PKP4: variants seen among roughly 807,000 people sequenced by gnomAD.
PKP4 encodes plakophilin-4.
A neutral mutation model predicts 145.1 loss-of-function variants in PKP4; 90 were observed. The observed-to-expected ratio is 0.62, with a 90% CI of 0.52 to 0.74. The LOEUF (loss-of-function observed/expected upper bound fraction) is 0.74. Among genes scored for constraint, PKP4 ranks in the 30% least tolerant of loss-of-function variants. The pLI is 0.00. For synonymous variants in PKP4, 563 were observed against 577.2 expected (o/e 0.98, Z 0.35); for missense variants, 1,340 against 1,482.7 (o/e 0.90, Z 1.58).
At chr2:158,514,453 G>A (rs780924055) in intron 1 of PKP4, among the ~76,000 whole-genome samples, 2 of 152,138 alleles carry the variant, frequency 1.3e-5, no homozygotes, top group African/African-American at 2.4e-5. Flanking sequence ...CCTTGAAAAC[G>A]AAATATAGTA....
chr2:158,610,957 T>C (rs954256646), intron 4 of PKP4, among the ~76,000 whole-genome samples: 3 of 152,156 alleles, frequency 2.0e-5, no homozygotes, highest in Non-Finnish European at 4.4e-5. Context: ...AAGAAAGTGT[T>C]CGAGAAATTG....
rs940022540 is a variant in PKP4 at position 158,528,143 on chromosome 2, A to G, written c.-5-5037A>G. On this transcript the variant is annotated intron_variant, in intron 1 of 21. Coordinates refer to ENST00000389759, the MANE Select transcript of PKP4 (RefSeq NM_003628.6). ...CCAGCCATCCCATTACTGGGTATATACCCAAATGACTGTAAATCATGCTGC... is the reference window on the plus strand; with the variant it reads ...CCAGCCATCCCATTACTGGGTATATGCCCAAATGACTGTAAATCATGCTGC... Among the ~76,000 whole-genome samples, 16 of 139,082 alleles carry G rather than the reference A, an allele frequency of 1.2e-4. No individual in the cohort carries two copies. In the South Asian group the frequency reaches 1.5e-3, roughly 13 times the overall value. 91.2% of individuals were successfully genotyped at this position (139,082 alleles called of 152,430 possible). A position where few individuals can be genotyped will look rare whatever the true frequency, so the allele number is the denominator to read the frequency against.
intron 11 of PKP4, among the ~76,000 whole-genome samples, chr2:158,653,246 GTT>G (rs3836170): frequency 1.2e-4 from 3 of 25,376 alleles, no homozygotes; most frequent in Non-Finnish European, 3.2e-4. Context: ...CAAATGTTTT[GTT>G]TTTTTTAATA....
chr2:158,601,000 G>A (rs1276270928), intron 3 of PKP4, among the ~76,000 whole-genome samples: 11 of 152,264 alleles, frequency 7.2e-5, no homozygotes, highest in Middle Eastern at 3.4e-3. Flanking sequence ...TAGACTCGGG[G>A]AGAATAAGTT....
chr2:158,625,271 G>A lies in PKP4; in HGVS notation c.997G>A (p.Val333Met), dbSNP rs2052656468. Residue 333 changes from valine (V) to methionine (M), a missense_variant, in exon 7 of 22, where the codon GTG becomes ATG. Coordinates refer to ENST00000389759, the MANE Select transcript of PKP4 (RefSeq NM_003628.6). ...TRVASPSQGQ[V>M]GSSSPKRSGM... ...AGTAGCTTCCCCATCCCAAGGCCAG[G>A]TGGGGTCGTCGTCCCCCAAACGCTC... 1 of 1,614,052 alleles carries A rather than the reference G, an allele frequency of 6.2e-7. No homozygotes were observed. The highest frequency in any genetic ancestry group is 1.3e-5 in the African/African-American group (1 of 74,918).
At chr2:158,596,235 A>G (rs1039487118) in intron 3 of PKP4, among the ~76,000 whole-genome samples, 2 of 152,222 alleles carry the variant, frequency 1.3e-5, no homozygotes, top group African/African-American at 4.8e-5. Context: ...TGAAAGTAAG[A>G]TAATAAAGAA....
At chr2:158,472,405 C>T (rs1481818385) in intron 1 of PKP4, among the ~76,000 whole-genome samples, 4 of 151,878 alleles carry the variant, frequency 2.6e-5, no homozygotes, top group East Asian at 3.9e-4. Context: ...GTCAGGAGAT[C>T]GAGACCATCC....
intron 1 of PKP4, among the ~76,000 whole-genome samples, chr2:158,480,953 A>C (rs773448657): frequency 7.2e-5 from 11 of 152,178 alleles, no homozygotes; most frequent in Non-Finnish European, 1.0e-4. Flanking sequence ...TCATGATTTC[A>C]TGTAAATAGA....
At chr2:158,596,307 C>T (rs892392207) in intron 3 of PKP4, among the ~76,000 whole-genome samples, 2 of 152,224 alleles carry the variant, frequency 1.3e-5, no homozygotes, top group Middle Eastern at 3.4e-3. Flanking sequence ...GAGATTTCAT[C>T]TGTAAACGTG....
At chr2:158,666,384 G>C (rs370699923) in intron 15 of PKP4, 29 bp from the exon 16 acceptor site, 1 of 1,541,162 alleles carries the variant, frequency 6.5e-7, no homozygotes, top group African/African-American at 1.4e-5. Context: ...TCTGTTTTAT[G>C]TTACTTCCTG....
chr2:158,477,377 C>G (rs1346735016), intron 1 of PKP4, among the ~76,000 whole-genome samples: 1 of 152,120 alleles, frequency 6.6e-6, no homozygotes, highest in Non-Finnish European at 1.5e-5. Flanking sequence ...TCTCCTCTCC[C>G]CTACTAATTG....
chr2:158,531,576 T>C (rs1201057007), intron 1 of PKP4, among the ~76,000 whole-genome samples: 2 of 152,210 alleles, frequency 1.3e-5, no homozygotes, highest in Non-Finnish European at 2.9e-5. Flanking sequence ...GTTGATAATA[T>C]TTTGTTTTAC....
chr2:158,658,192 C>G lies in PKP4; in HGVS notation c.1971C>G (p.Leu657=). 1 of 1,605,280 alleles carries G rather than the reference C, an allele frequency of 6.2e-7. No individual in the cohort carries two copies. Among genetic ancestry groups the G allele is most frequent in the Non-Finnish European group, 8.5e-7 (1 of 1,172,468 alleles). The change falls in exon 12 of 22, where the codon CTC becomes CTG. Residue 657 remains leucine, a synonymous_variant. Transcript: ENST00000389759. ...AAATGACAATCATTCGAGATGCTCTCTCAACCTTAACAAACACTGTGATTG... is the reference window on the plus strand; with the variant it reads ...AAATGACAATCATTCGAGATGCTCTGTCAACCTTAACAAACACTGTGATTG... ...AVKMTIIRDA[L]STLTNTVIVP...
intron 1 of PKP4, among the ~76,000 whole-genome samples, chr2:158,523,151 C>T (rs941187703): frequency 3.3e-5 from 5 of 152,028 alleles, no homozygotes; most frequent in Non-Finnish European, 5.9e-5. Flanking sequence ...GGCCTGCCTG[C>T]CTCTGTAGGC....
chr2:158,499,671 C>T (rs1299674362), intron 1 of PKP4, among the ~76,000 whole-genome samples: 2 of 152,166 alleles, frequency 1.3e-5, no homozygotes. Flanking sequence ...AGTGGCCTTG[C>T]TTCAATGGCA....
intron 1 of PKP4, among the ~76,000 whole-genome samples, chr2:158,503,738 A>G (rs1004646871): frequency 2.0e-5 from 3 of 152,182 alleles, no homozygotes; most frequent in African/African-American, 7.2e-5. Flanking sequence ...TTTTAATTGT[A>G]TACACAATTC....
chr2:158,561,191 C>T (rs1370348274), intron 2 of PKP4, among the ~76,000 whole-genome samples: 1 of 152,196 alleles, frequency 6.6e-6, no homozygotes, highest in Non-Finnish European at 1.5e-5. Flanking sequence ...TTTATGGCTG[C>T]TTTTGCACTC....
chr2:158,489,096 A>G (rs538858477), intron 1 of PKP4, among the ~76,000 whole-genome samples: 1 of 152,302 alleles, frequency 6.6e-6, no homozygotes, highest in South Asian at 2.1e-4. Context: ...CAGAAATCCA[A>G]TATTTTACAT....
intron 1 of PKP4, among the ~76,000 whole-genome samples, chr2:158,491,292 A>C (rs2105464724): frequency 6.6e-6 from 1 of 152,296 alleles, no homozygotes; most frequent in Non-Finnish European, 1.5e-5. Context: ...TTGCTGCATC[A>C]TAGACTATCA....
Sources: gnomAD v4.1 joint callset for allele counts (sites outside exome capture counted in the v4.1 genomes callset) on GRCh38, gnomAD v4.1.1 for gene constraint, MANE v1.5 for transcripts, NCBI Gene and HGNC (gene_info 2026-07-23, HGNC 2026-07-21) for gene names.